The following LRP1B variants were observed in gnomAD, a reference collection of about 807,000 sequenced individuals.
The protein encoded by LRP1B is low-density lipoprotein receptor-related protein 1B.
LRP1B carries 217 observed loss-of-function variants against 556.6 expected under a neutral mutation model. That is an observed-to-expected ratio of 0.39 (90% confidence interval 0.35 to 0.44). The LOEUF is 0.44. LRP1B is among the 20% of genes least tolerant of loss of function. The pLI is 1.00. For synonymous variants in LRP1B, 2,047 were observed against 1,865.8 expected (o/e 1.10, Z -2.50); for missense variants, 5,053 against 5,620.8 (o/e 0.90, Z 3.23).
chr2:141,110,102 T>TA (rs34690044), intron 7 of LRP1B, among the ~76,000 whole-genome samples: 41,981 of 151,550 alleles, frequency 0.28, 6,309 homozygotes, highest in East Asian at 0.64. Flanking sequence ...AGCTAAAACT[T>TA]AAAAAAAACA....
chr2:140,888,960 C>CAA (rs35546727), intron 23 of LRP1B, among the ~76,000 whole-genome samples: 1,272 of 77,886 alleles, frequency 0.016, 41 homozygotes, highest in African/African-American at 0.052. Flanking sequence ...GAGTCTGTCT[C>CAA]AAAAAAAAAA....
At chr2:140,701,925 G>C (rs2105427191) in intron 39 of LRP1B, 80 bp from the exon 40 acceptor site, 1 of 1,554,606 alleles carries the variant, frequency 6.4e-7, no homozygotes, top group South Asian at 1.1e-5. Flanking sequence ...GAAGATAACA[G>C]ATGGACCAAC....
chr2:141,263,213 T>C (rs560964324), intron 3 of LRP1B, among the ~76,000 whole-genome samples: 2 of 152,160 alleles, frequency 1.3e-5, no homozygotes, highest in South Asian at 4.1e-4. Flanking sequence ...AATTTATATA[T>C]ATTGAACTTG....
At chr2:141,383,345 G>T (rs1193416775) in intron 3 of LRP1B, among the ~76,000 whole-genome samples, 3 of 152,056 alleles carry the variant, frequency 2.0e-5, no homozygotes, top group African/African-American at 7.2e-5. Context: ...ATATAATCCA[G>T]CAATCCCACT....
chr2:141,400,906 C>A (rs925764823), intron 3 of LRP1B, among the ~76,000 whole-genome samples: 10 of 152,180 alleles, frequency 6.6e-5, no homozygotes, highest in African/African-American at 2.2e-4. Flanking sequence ...ATCAATCAAG[C>A]CTTACATACC....
At chr2:140,988,521 C>A (rs1212289404) in intron 17 of LRP1B, among the ~76,000 whole-genome samples, 1 of 151,884 alleles carries the variant, frequency 6.6e-6, no homozygotes, top group African/African-American at 2.4e-5. Context: ...TAGGGAAAAT[C>A]TGGAAACAAT....
chr2:141,687,979 A>T (rs1691372014), intron 2 of LRP1B, among the ~76,000 whole-genome samples: 1 of 150,376 alleles, frequency 6.6e-6, no homozygotes, highest in South Asian at 2.1e-4. Flanking sequence ...CCAATTTTTT[A>T]ATCTTTATTT....
intron 86 of LRP1B, among the ~76,000 whole-genome samples, chr2:140,255,716 AC>A (rs1310789308): frequency 6.6e-5 from 10 of 152,196 alleles, no homozygotes; most frequent in African/African-American, 2.4e-4. Flanking sequence ...GAATGCACAT[AC>A]ATATACAGAG....
chr2:140,798,909 G>A (rs760357298), intron 32 of LRP1B, among the ~76,000 whole-genome samples: 11 of 152,020 alleles, frequency 7.2e-5, no homozygotes, highest in South Asian at 2.1e-4. Flanking sequence ...TAATACAGTC[G>A]CATTATCTCC....
chr2:141,928,249 A>C (rs1700389537), intron 1 of LRP1B, among the ~76,000 whole-genome samples: 1 of 152,206 alleles, frequency 6.6e-6, no homozygotes, highest in South Asian at 2.1e-4. Context: ...TTTAGATTTA[A>C]GTTGAATATA....
At chr2:140,645,968 T>A (rs1467943105) in intron 41 of LRP1B, among the ~76,000 whole-genome samples, 1 of 152,146 alleles carries the variant, frequency 6.6e-6, no homozygotes, top group Non-Finnish European at 1.5e-5. Context: ...TCTTGTATTA[T>A]GTACCTTATT....
chr2:141,669,111 A>G (rs1311431092), intron 2 of LRP1B, among the ~76,000 whole-genome samples: 1 of 151,032 alleles, frequency 6.6e-6, no homozygotes, highest in African/African-American at 2.4e-5. Context: ...ATATTTGGAG[A>G]TGGGGGCTTT....
At chr2:141,670,643 G>A (rs1280332197) in intron 2 of LRP1B, among the ~76,000 whole-genome samples, 2 of 152,174 alleles carry the variant, frequency 1.3e-5, no homozygotes, top group African/African-American at 4.8e-5. Context: ...GACTTATCTG[G>A]TAAAATCAGT....
At chr2:141,096,669 A>AGGGAGAGAGG (rs1344860983) in intron 7 of LRP1B, among the ~76,000 whole-genome samples, 1 of 130,138 alleles carries the variant, frequency 7.7e-6, no homozygotes, top group Non-Finnish European at 1.6e-5. Flanking sequence ...AGAGAGAGAG[A>AGGGAGAGAGG]GAGAGAGAGA....
intron 1 of LRP1B, among the ~76,000 whole-genome samples, chr2:142,114,742 A>G (rs184930600): frequency 1.0e-3 from 154 of 152,204 alleles, no homozygotes; most frequent in Non-Finnish European, 1.7e-3. Flanking sequence ...TAGATACTGA[A>G]GCCCGGGAAA....
intron 2 of LRP1B, among the ~76,000 whole-genome samples, chr2:141,749,424 G>C (rs546562418): frequency 4.0e-4 from 61 of 152,156 alleles, no homozygotes; most frequent in African/African-American, 1.4e-3. Flanking sequence ...ATTTGCCTGA[G>C]GCCTGTTTTC....
chr2:140,418,216 A>G (rs1032521632), intron 66 of LRP1B, among the ~76,000 whole-genome samples: 1 of 152,150 alleles, frequency 6.6e-6, no homozygotes, highest in Non-Finnish European at 1.5e-5. Flanking sequence ...GTGATTTTTG[A>G]TATGTTTCAA....
At chr2:142,091,624 T>C (rs892294978) in intron 1 of LRP1B, among the ~76,000 whole-genome samples, 1 of 152,122 alleles carries the variant, frequency 6.6e-6, no homozygotes, top group Non-Finnish European at 1.5e-5. Context: ...AAACCCCTAT[T>C]AGTTAATTCC....
At chr2:140,538,653 A>T (rs961073440) in intron 45 of LRP1B, among the ~76,000 whole-genome samples, 2 of 152,174 alleles carry the variant, frequency 1.3e-5, no homozygotes, top group African/African-American at 4.8e-5. Context: ...CAAATAATTT[A>T]AAACAGAACA....
Sources: gnomAD v4.1 joint callset for allele counts (sites outside exome capture counted in the v4.1 genomes callset) on GRCh38, gnomAD v4.1.1 for gene constraint, MANE v1.5 for transcripts, NCBI Gene and HGNC (gene_info 2026-07-23, HGNC 2026-07-21) for gene names.